The following PHLDB2 variants were observed in gnomAD, a reference collection of about 807,000 sequenced individuals.
PHLDB2 encodes the protein pleckstrin homology like domain family B member 2, also known as pleckstrin homology-like domain family B member 2.
PHLDB2 carries 71 observed loss-of-function variants against 123.6 expected under a neutral mutation model. The observed-to-expected ratio is 0.57, with a 90% CI of 0.47 to 0.70. The LOEUF is 0.70. Among genes scored for constraint, PHLDB2 ranks in the 30% least tolerant of loss-of-function variants. The probability of loss-of-function intolerance (pLI) is 0.00; values close to 1 mark genes in which losing one functional copy is unlikely to be tolerated. For synonymous variants in PHLDB2, 547 were observed against 541.6 expected, an observed-to-expected ratio of 1.01 and a Z score of -0.14; for missense variants, 1,446 against 1,519.5, an observed-to-expected ratio of 0.95 and a Z score of 0.80.
intron 1 of PHLDB2, among the ~76,000 whole-genome samples, chr3:111,836,893 A>G (rs1441224598): frequency 6.6e-6 from 1 of 152,166 alleles, no homozygotes; most frequent in Admixed American, 6.5e-5. Flanking sequence ...GGGGATGACA[A>G]TTCGAGATGA....
chr3:111,918,612 T>G (rs1163886639), intron 3 of PHLDB2, among the ~76,000 whole-genome samples: 1 of 152,178 alleles, frequency 6.6e-6, no homozygotes, highest in Non-Finnish European at 1.5e-5. Flanking sequence ...TCAAGAGGCT[T>G]TTGCAGATGT....
intron 1 of PHLDB2, among the ~76,000 whole-genome samples, chr3:111,865,044 G>A (rs2065000622): frequency 6.6e-6 from 1 of 152,178 alleles, no homozygotes; most frequent in South Asian, 2.1e-4. Flanking sequence ...GCTAAAACAA[G>A]GAAAGATAAA....
chr3:111,761,110 C>A (rs141694918), intron 1 of PHLDB2, among the ~76,000 whole-genome samples: 2 of 150,094 alleles, frequency 1.3e-5, no homozygotes, highest in African/African-American at 2.5e-5. Flanking sequence ...ACCTGAACCC[C>A]GGAGGTGGAG....
chr3:111,751,943 A>G (rs2059784880), intron 1 of PHLDB2, among the ~76,000 whole-genome samples: 1 of 152,186 alleles, frequency 6.6e-6, no homozygotes, highest in South Asian at 2.1e-4. Context: ...ATCTATTCAG[A>G]TGCTTATTAG....
chr3:111,856,962 G>A (rs1352904618), upstream of PHLDB2, among the ~76,000 whole-genome samples: 2 of 152,154 alleles, frequency 1.3e-5, no homozygotes, highest in African/African-American at 4.8e-5. Flanking sequence ...TAAGTAGAGT[G>A]GTCAGAGCAG....
chr3:111,913,511 C>G lies in PHLDB2; in HGVS notation c.1528C>G (p.Arg510Gly). The G allele has an allele frequency of 1.2e-6, 2 of 1,614,048 alleles. No homozygotes were observed. The highest frequency in any genetic ancestry group is 1.1e-5 in the South Asian group (1 of 91,072). Residue 510 changes from arginine to glycine, a missense_variant, in exon 3 of 18, where the codon CGG (arginine) becomes GGG (glycine). Physicochemically the swap from Arg to Gly is moderately radical, Grantham distance 125 (BLOSUM62 -2). This residue lies in a region of PHLDB2 where 832 missense variants were observed against 831.9 expected (regional missense o/e 1.00). Coordinates refer to ENST00000431670, the MANE Select transcript of PHLDB2 (RefSeq NM_001134438.2). Reference protein sequence around the residue: ...MSPDTRYRCHRKDSLPDADLA... With the variant: ...MSPDTRYRCHGKDSLPDADLA... ...CCCTGACACAAGATACAGGTGCCAC[C>G]GGAAAGACTCCCTCCCTGATGCAGA... is the stretch of plus-strand genomic sequence containing the variant.
rs767866327 is a variant in PHLDB2, at chr3:111,885,220, G to C, written c.1143G>C (p.Arg381Ser). Residue 381 changes from arginine (R) to serine (S), a missense_variant, in exon 2 of 18, where the codon AGG becomes AGC. Arg to Ser is a moderately radical substitution (Grantham distance 110). Transcript: ENST00000431670. ...CAGACAGAGTTTTTGCGACCAGGAGGAACTTCTCTTGTGGATCTGTGGAAT... is the reference window on the plus strand; with the variant it reads ...CAGACAGAGTTTTTGCGACCAGGAGCAACTTCTCTTGTGGATCTGTGGAAT... ...GESDRVFATR[R>S]NFSCGSVEFD... is the part of the protein sequence containing the mutation. The C allele has an allele frequency of 2.5e-6, 4 of 1,614,124 alleles. No individual in the cohort carries two copies. In the Admixed American group the frequency reaches 6.7e-5, roughly 27 times the overall value.
intron 6 of PHLDB2, among the ~76,000 whole-genome samples, chr3:111,933,348 G>A (rs1460394045): frequency 6.6e-6 from 1 of 152,152 alleles, no homozygotes; most frequent in Non-Finnish European, 1.5e-5. Flanking sequence ...GGAATGGGGA[G>A]GTTGAAAAAT....
Position 111,953,793 on chromosome 3 carries a change from C to A in PHLDB2, c.2773-137C>A, listed in dbSNP as rs540913906. On this transcript the variant is annotated intron_variant, in intron 11 of 17. Transcript: ENST00000431670. Reference sequence around the variant, plus strand: ...GTAACTGGCCTTTACCACTTAGCATCAACAAATGAAATGCAAAGACTTACC... The same window carrying A: ...GTAACTGGCCTTTACCACTTAGCATAAACAAATGAAATGCAAAGACTTACC... 3.0e-5 allele frequency: 19 copies of A among 630,432 alleles called. No individual in the cohort carries two copies. The African/African-American group carries it at 3.1e-4, about 10-fold the overall frequency. The allele number at this position is 630,432 out of a possible 1,614,324, so 39.1% of individuals were successfully genotyped here.
intron 8 of PHLDB2, among the ~76,000 whole-genome samples, chr3:111,944,430 A>T (rs137934864): frequency 3.3e-4 from 50 of 152,234 alleles, no homozygotes; most frequent in African/African-American, 1.1e-3. Flanking sequence ...TATACAAATT[A>T]TAGCACAATA....
intron 1 of PHLDB2, among the ~76,000 whole-genome samples, chr3:111,822,295 A>ATGTGTGTGTGTG (rs35687126): frequency 0.08 from 11,461 of 143,872 alleles, 686 homozygotes; most frequent in East Asian, 0.22. Context: ...ATCTTTATGT[A>ATGTGTGTGTGTG]TGTGTGTGTG....
intron 1 of PHLDB2, among the ~76,000 whole-genome samples, chr3:111,839,715 G>A (rs2063584217): frequency 1.3e-5 from 2 of 152,146 alleles, no homozygotes; most frequent in Admixed American, 1.3e-4. Context: ...TAGATGGAGA[G>A]AGAGTAAGCA....
intron 2 of PHLDB2, among the ~76,000 whole-genome samples, chr3:111,911,090 A>G (rs2067856228): frequency 6.6e-6 from 1 of 152,238 alleles, no homozygotes; most frequent in Admixed American, 6.5e-5. Flanking sequence ...TTTGGAATTA[A>G]GCAATACCAC....
intron 1 of PHLDB2, among the ~76,000 whole-genome samples, chr3:111,874,209 T>C (rs993026363): frequency 6.6e-6 from 1 of 152,188 alleles, no homozygotes; most frequent in Admixed American, 6.5e-5. Flanking sequence ...CCTTCATCAT[T>C]TCTTTATACT....
Position 111,905,558 on chromosome 3 carries a change from T to C in PHLDB2, c.1336-7761T>C, listed in dbSNP as rs192633782. Among the ~76,000 whole-genome samples, 3 of 152,272 alleles carry C rather than the reference T, an allele frequency of 2.0e-5. No homozygotes were observed. In the East Asian group the frequency reaches 5.8e-4, roughly 29 times the overall value. ...TTTTAGTAGAGACAGGGTTTCACCATGTTGGCCAGGCTGGTCTCGAACTCC... is the reference window on the plus strand; with the variant it reads ...TTTTAGTAGAGACAGGGTTTCACCACGTTGGCCAGGCTGGTCTCGAACTCC... On this transcript the variant is annotated intron_variant, in intron 2 of 17. Coordinates refer to ENST00000431670, the MANE Select transcript of PHLDB2 (RefSeq NM_001134438.2).
intron 12 of PHLDB2, chr3:111,957,256 A>T (rs1317635816): frequency 3.3e-5 from 5 of 152,698 alleles, no homozygotes; most frequent in African/African-American, 1.2e-4. Context: ...GAAAGGTATG[A>T]CAACCTCCTT....
intron 1 of PHLDB2, among the ~76,000 whole-genome samples, chr3:111,755,314 T>C (rs1320306054): frequency 6.9e-6 from 1 of 145,094 alleles, no homozygotes; most frequent in Non-Finnish European, 1.5e-5. Flanking sequence ...TATTGATTAG[T>C]GCCACAATTT....
chr3:111,947,443 T>TC (rs2070390052), intron 9 of PHLDB2, among the ~76,000 whole-genome samples: 2 of 152,198 alleles, frequency 1.3e-5, no homozygotes, highest in African/African-American at 4.8e-5. Context: ...TTTTTCTTTT[T>TC]TTCTTCTGCT....
chr3:111,738,633 T>C (rs531255203), intron 1 of PHLDB2, among the ~76,000 whole-genome samples: 10 of 152,142 alleles, frequency 6.6e-5, no homozygotes, highest in Non-Finnish European at 1.5e-4. Context: ...TGTTAGTGTG[T>C]GTGTATGTGT....
Sources: gnomAD v4.1 joint callset for allele counts (sites outside exome capture counted in the v4.1 genomes callset) on GRCh38, gnomAD v4.1.1 for gene constraint, gnomAD v4.1.1 regional missense constraint, MANE v1.5 for transcripts, NCBI Gene and HGNC (gene_info 2026-07-23, HGNC 2026-07-21) for gene names.